LLGL1: variants seen among roughly 807,000 people sequenced by gnomAD.
LLGL1 encodes the protein lethal(2) giant larvae protein homolog 1.
In LLGL1, 58 loss-of-function variants were observed where a neutral mutation model predicts 110.6. The observed-to-expected ratio is 0.52, with a 90% CI of 0.42 to 0.65. LLGL1 has a LOEUF of 0.65. Ranked by LOEUF, LLGL1 falls within the 30% of genes least tolerant of loss-of-function variation. The probability of loss-of-function intolerance (pLI) is 0.00; values close to 1 mark genes in which losing one functional copy is unlikely to be tolerated. For synonymous variants in LLGL1, 674 were observed against 607.2 expected (o/e 1.11, Z -1.62); for missense variants, 1,229 against 1,462.1 (o/e 0.84, Z 2.60).
rs146042554 is a variant in LLGL1, at chr17:18,229,914, C to T, written c.82-27C>T. On this transcript the variant is annotated intron_variant, in intron 1 of 22. Coordinates refer to ENST00000316843, the MANE Select transcript of LLGL1 (RefSeq NM_004140.4). ...TGGCAGAGGTGCCTGGGAGTGCTTA[C>T]CCCCAGCAGCCCTCCCCTCCTTGCA... The T allele has an allele frequency of 3.3e-3, 5,016 of 1,541,880 alleles. 23 individuals carry two copies. The highest frequency in any genetic ancestry group is 0.014 in the African/African-American group (1,046 of 73,528).
At position 18,236,836 on chromosome 17, in the gene LLGL1, T is replaced by G; in HGVS notation, c.1508T>G (p.Val503Gly). The G allele has an allele frequency of 6.2e-7, 1 of 1,613,704 alleles. No homozygotes were observed. Among genetic ancestry groups the G allele is most frequent in the Non-Finnish European group, 8.5e-7 (1 of 1,179,930 alleles). Residue 503 changes from valine to glycine, a missense_variant and splice_region_variant, in exon 13 of 23, where the codon GTG becomes GGG. Transcript: ENST00000316843. ...AEDDWPPFRK[V>G]GCFDPYSDDP... Reference sequence around the variant, plus strand: ...CATTACTCCTTCCCATCCCTCTAGGTGGGCTGCTTCGATCCCTACAGTGAC... The same window carrying G: ...CATTACTCCTTCCCATCCCTCTAGGGGGGCTGCTTCGATCCCTACAGTGAC...
rs2047939671 is a variant in LLGL1 at position 18,244,560 on chromosome 17, C to G, written c.*654C>G. ...GCCCAGCCCTGCAAAGAGTATTTTT[C>G]TAGCGCCTGGGCTGGACAGTTGTTT... On this transcript the variant is annotated 3_prime_UTR_variant, in exon 23 of 23. Coordinates refer to ENST00000316843, the MANE Select transcript of LLGL1 (RefSeq NM_004140.4). 6.6e-6 allele frequency: 1 copy of G among 152,144 alleles called. No homozygotes were observed. The highest frequency in any genetic ancestry group is 2.4e-5 in the African/African-American group (1 of 41,370). The allele number at this position is 152,144 out of a possible 1,614,324, so 9.4% of individuals were successfully genotyped here.
rs550498273 is a variant in LLGL1 at position 18,234,764 on chromosome 17, G to A, written c.905+61G>A. 297 of 1,613,184 alleles carry A rather than the reference G, an allele frequency of 1.8e-4. 1 individual carries two copies. The East Asian group carries it at 6.5e-3, about 35-fold the overall frequency. On this transcript the variant is annotated intron_variant, in intron 8 of 22. Transcript: ENST00000316843. ...GTCTGGCTAGGGGGCTGGAAGGGTG[G>A]GCTCTCCCTAGGTTGTGCAGTATGT...
chr17:18,237,461 C>T lies in LLGL1; in HGVS notation c.1612-20C>T, dbSNP rs753357825. On this transcript the variant is annotated intron_variant, in intron 13 of 22. Transcript: ENST00000316843. ...CCCCTCCCCTGCGCTGATGCTCCCC[C>T]TGCCTGGCTGTGGGCTCAGGTGCTG... The T allele has an allele frequency of 1.3e-6, 2 of 1,554,796 alleles. No individual in the cohort carries two copies. The highest frequency in any genetic ancestry group is 1.4e-5 in the African/African-American group (1 of 74,038).
intron 1 of LLGL1, 72 bp from the exon 2 acceptor site, chr17:18,229,869 G>T (rs2047530201): frequency 4.8e-6 from 5 of 1,046,558 alleles, no homozygotes; most frequent in East Asian, 5.1e-5. Flanking sequence ...CTGCCTTGGG[G>T]TGGGCCTCAG....
In LLGL1 at chr17:18,241,612, C is replaced by A; in HGVS notation, c.2664C>A (p.His888Gln). 1 of 1,613,710 alleles carries A rather than the reference C, an allele frequency of 6.2e-7. No homozygotes were observed. The highest frequency in any genetic ancestry group is 1.1e-5 in the South Asian group (1 of 91,082). The change falls in exon 18 of 23, where the codon CAC (histidine) becomes CAA (glutamine). Residue 888 changes from histidine to glutamine, a missense_variant. Transcript: ENST00000316843. Reference sequence around the variant, plus strand: ...GCCTCACCAACCTGGGTGACGTCCACGTCTTCTCGGTGCCTGGCCTGCGGC... The same window carrying A: ...GCCTCACCAACCTGGGTGACGTCCAAGTCTTCTCGGTGCCTGGCCTGCGGC... ...LACLTNLGDV[H>Q]VFSVPGLRPQ...
At chr17:18,242,718 CCT>C (rs1470623261) in intron 21 of LLGL1, 23 bp from the exon 22 acceptor site, 12 of 1,563,104 alleles carry the variant, frequency 7.7e-6, no homozygotes, top group South Asian at 3.5e-5. Flanking sequence ...CGCCCCCACC[CCT>C]GAGCACCATC....
chr17:18,241,761 C>T (rs748280174), intron 18 of LLGL1, 46 bp downstream of exon 18: 1 of 1,607,704 alleles, frequency 6.2e-7, no homozygotes, highest in Non-Finnish European at 8.5e-7. Flanking sequence ...GGCGAGCGAA[C>T]TGAGTGGGAC....
At position 18,237,599 on chromosome 17, in the gene LLGL1, G is replaced by T. The variant is rs1006575220; in HGVS notation, c.1730G>T (p.Arg577Leu). ...AAGGGCCACGAGCGGCTGAGCCCACGCACGGGGCCGCTGCCCTGGCCTGCT... is the reference window on the plus strand; with the variant it reads ...AAGGGCCACGAGCGGCTGAGCCCACTCACGGGGCCGCTGCCCTGGCCTGCT... Reference protein sequence around the residue: ...TWKGHERLSPRTGPLPWPAGF... With the variant: ...TWKGHERLSPLTGPLPWPAGF... The change falls in exon 14 of 23, where the codon CGC becomes CTC. Residue 577 changes from arginine to leucine, a missense_variant. Transcript: ENST00000316843. 1.9e-6 allele frequency: 3 copies of T among 1,610,764 alleles called. No individual in the cohort carries two copies. Among genetic ancestry groups the T allele is most frequent in the South Asian group, 1.1e-5 (1 of 90,960 alleles).
intron 14 of LLGL1, 92 bp from the exon 15 acceptor site, chr17:18,237,974 TC>T: frequency 6.8e-7 from 1 of 1,468,132 alleles, no homozygotes. Context: ...GGGCTGTGAC[TC>T]CCTGACCTGG....
At position 18,238,063 on chromosome 17, in the gene LLGL1, C is replaced by G. The variant is rs8073330; in HGVS notation, c.1905-4C>G. 1,569 of 1,613,522 alleles carry G rather than the reference C, an allele frequency of 9.7e-4. 14 individuals carry two copies. The African/African-American group carries it at 0.019, about 20-fold the overall frequency. On this transcript the variant is annotated splice_region_variant and splice_polypyrimidine_tract_variant and intron_variant, in intron 14 of 22. Coordinates refer to ENST00000316843, the MANE Select transcript of LLGL1 (RefSeq NM_004140.4). ...TAGCACGACTGGACCCTGTCTTCCCCCAGGTGCACTCTTCACCCCAATGAC... is the reference window on the plus strand; with the variant it reads ...TAGCACGACTGGACCCTGTCTTCCCGCAGGTGCACTCTTCACCCCAATGAC...
rs1420532294 is a variant in LLGL1 at position 18,234,980 on chromosome 17, A to G, written c.1047A>G (p.Thr349=). Residue 349 remains threonine, a synonymous_variant, in exon 9 of 23, where the codon ACA becomes ACG. Coordinates refer to ENST00000316843, the MANE Select transcript of LLGL1 (RefSeq NM_004140.4). The stretch of plus-strand genomic sequence containing the variant: ...TCGACTTCTTCACAGTGCACAGCAC[A>G]CGGCCCGAGGATGGTGCGTGCCCTG... ...RIIDFFTVHS[T]RPEDEFDDPQ... 1 of 1,613,780 alleles carries G rather than the reference A, an allele frequency of 6.2e-7. No individual in the cohort carries two copies. Among genetic ancestry groups the G allele is most frequent in the Non-Finnish European group, 8.5e-7 (1 of 1,180,006 alleles).
intron 1 of LLGL1, among the ~76,000 whole-genome samples, chr17:18,226,197 C>T (rs920113945): frequency 2.6e-5 from 4 of 152,132 alleles, no homozygotes; most frequent in African/African-American, 9.7e-5. Context: ...CTCTCTGCCT[C>T]TCATTTCTCT....
chr17:18,228,027 C>T (rs1244006336), intron 1 of LLGL1, among the ~76,000 whole-genome samples: 1 of 152,168 alleles, frequency 6.6e-6, no homozygotes, highest in Admixed American at 6.5e-5. Flanking sequence ...TGTGCCTTCT[C>T]TGTTAATACT....
intron 20 of LLGL1, 77 bp from the exon 21 acceptor site, chr17:18,242,431 T>C (rs547172613): frequency 2.9e-5 from 47 of 1,596,176 alleles, no homozygotes; most frequent in African/African-American, 2.4e-4. Flanking sequence ...GGCTGCCTTA[T>C]GGGTCTGTGT....
rs1567700333 is a variant in LLGL1 at position 18,244,736 on chromosome 17, A to AGGGGGGGGGGGGGGGG, written c.*840_*841insGGGGGGGGGGGGGGGG. 9.8e-5 allele frequency: 1 copy of AGGGGGGGGGGGGGGGG among 10,212 alleles called. No homozygotes were observed. Among genetic ancestry groups the AGGGGGGGGGGGGGGGG allele is most frequent in the African/African-American group, 3.4e-4 (1 of 2,942 alleles). 0.6% of individuals were successfully genotyped at this position (10,212 alleles called of 1,614,324 possible). On this transcript the variant is annotated 3_prime_UTR_variant, in exon 23 of 23. Transcript: ENST00000316843. ...TGTGTGTCCGGCGGGGGGGGGGGGCAGGGGGGGGGGTCAAGATGAGTTTCC... is the reference window on the plus strand; with the variant it reads ...TGTGTGTCCGGCGGGGGGGGGGGGCAGGGGGGGGGGGGGGGGGGGGGGGGGGTCAAGATGAGTTTCC...
intron 14 of LLGL1, 36 bp downstream of exon 14, chr17:18,237,809 C>G: frequency 6.4e-7 from 1 of 1,574,068 alleles, no homozygotes; most frequent in Non-Finnish European, 8.6e-7. Context: ...AGTTGGAGCC[C>G]CCAGCGAGAT....
chr17:18,242,111 C>T (rs1024265211), intron 19 of LLGL1, 55 bp from the exon 20 acceptor site: 31 of 1,548,698 alleles, frequency 2.0e-5, no homozygotes, highest in Middle Eastern at 1.7e-4. Flanking sequence ...AAGGATCTAG[C>T]GTGCCAGCCT....
At chr17:18,241,387 G>C (rs1400860636) in intron 17 of LLGL1, 64 bp from the exon 18 acceptor site, 1 of 1,547,996 alleles carries the variant, frequency 6.5e-7, no homozygotes, top group African/African-American at 1.4e-5. Context: ...GCAGCCACGA[G>C]GGTGAGGGGC....
Sources: allele counts gnomAD v4.1 joint callset (sites outside exome capture counted in the v4.1 genomes callset), GRCh38; gene constraint gnomAD v4.1.1; transcripts MANE v1.5; gene names NCBI Gene and HGNC (gene_info 2026-07-23, HGNC 2026-07-21).